Variants in CIITA observed in about 807,000 individuals in gnomAD.
CIITA encodes the protein MHC class II transactivator.
In CIITA, 72 loss-of-function variants were observed where a neutral mutation model predicts 115.1. The ratio of observed to expected loss-of-function variants is 0.63; its 90% confidence interval spans 0.52 to 0.76. The LOEUF (loss-of-function observed/expected upper bound fraction) is 0.76, where lower values mean the gene tolerates loss of function less well. Among genes scored for constraint, CIITA ranks in the 30% least tolerant of loss-of-function variants. CIITA has a pLI of 0.00. For synonymous variants in CIITA, 763 were observed against 635.6 expected, an observed-to-expected ratio of 1.20 and a Z score of -3.02; for missense variants, 1,617 against 1,463.8, an observed-to-expected ratio of 1.10 and a Z score of -1.71.
At chr16:10,939,669 A>G (rs1156928088), downstream of CIITA, 6 of 152,196 alleles carry the variant, frequency 3.9e-5, no homozygotes, top group East Asian at 9.6e-4. The surrounding 1 kb of genome is among the most constrained non-coding windows in gnomAD (Gnocchi z 4.9). Context: ...CACCATCTCT[A>G]TCCTACCGTT....
In CIITA at chr16:10,941,555, G is replaced by C. The variant is rs1192850703; in HGVS notation, n.681G>C. 5 of 1,444,432 alleles carry C rather than the reference G, an allele frequency of 3.5e-6. No homozygotes were observed. Among genetic ancestry groups the C allele is most frequent in the Non-Finnish European group, 4.6e-6 (5 of 1,096,986 alleles). The allele number at this position is 1,444,432 out of a possible 1,614,324, so 89.5% of individuals were successfully genotyped here. On this transcript the variant is annotated non_coding_transcript_exon_variant, in exon 2 of 2. Coordinates refer to the CIITA transcript ENST00000573379. This position sits in a 1 kb window ranked among gnomAD's most constrained non-coding sequence, Gnocchi z 6.4. ...CCCCAACCCGCCCTCATCCTGTTCA[G>C]AGAGGGCACTTACAGGCCTCGGAGG...
chr16:10,900,337 T>C (rs990538179), intron 5 of CIITA, among the ~76,000 whole-genome samples: 2 of 152,222 alleles, frequency 1.3e-5, no homozygotes, highest in Admixed American at 6.5e-5. Context: ...TCCATATTAT[T>C]GAGGGAGAGG....
intron 5 of CIITA, 63 bp downstream of exon 5, chr16:10,899,065 A>G: frequency 6.5e-7 from 1 of 1,535,492 alleles, no homozygotes; most frequent in Non-Finnish European, 9.0e-7. Context: ...CCTTGACTCC[A>G]AAGCCTGCTG....
chr16:10,878,436 G>A (rs1596417709), intron 1 of CIITA, among the ~76,000 whole-genome samples: 1 of 152,328 alleles, frequency 6.6e-6, no homozygotes, highest in Non-Finnish European at 1.5e-5. Context: ...CCTCTGAAAA[G>A]GACCGGCAGG....
At chr16:10,877,860 T>TC (rs1278292823) in intron 1 of CIITA, among the ~76,000 whole-genome samples, 5 of 151,900 alleles carry the variant, frequency 3.3e-5, no homozygotes, top group Non-Finnish European at 5.9e-5. Flanking sequence ...GATGCTGCCC[T>TC]CCCCCCAGTT....
At chr16:10,919,242 G>A (rs2040136589) in intron 16 of CIITA, among the ~76,000 whole-genome samples, 1 of 144,604 alleles carries the variant, frequency 6.9e-6, no homozygotes. Flanking sequence ...CACCCAGGCT[G>A]GAGTGAAGTG....
chr16:10,880,057 G>A (rs2036262817), intron 1 of CIITA, among the ~76,000 whole-genome samples: 1 of 152,190 alleles, frequency 6.6e-6, no homozygotes, highest in Non-Finnish European at 1.5e-5. Flanking sequence ...AAGGAAACAG[G>A]TACTTCTTCC....
upstream of CIITA, among the ~76,000 whole-genome samples, chr16:10,872,416 C>T (rs2035551254): frequency 6.6e-6 from 1 of 152,212 alleles, no homozygotes; most frequent in Non-Finnish European, 1.5e-5. Flanking sequence ...AGCCACTGTG[C>T]CCAGCCTCTC....
intron 10 of CIITA, 103 bp from the exon 11 acceptor site, chr16:10,906,396 G>A: frequency 7.5e-7 from 1 of 1,334,256 alleles, no homozygotes; most frequent in Non-Finnish European, 1.1e-6. Context: ...AAAACTGTGT[G>A]GGGAACAGAT....
In CIITA at chr16:10,909,194, G is replaced by A. The variant is rs1364098674; in HGVS notation, c.2816+7G>A. The A allele has an allele frequency of 6.2e-7, 1 of 1,614,096 alleles. No homozygotes were observed. The highest frequency in any genetic ancestry group is 8.5e-7 in the Non-Finnish European group (1 of 1,180,002). ...AGCTTGTGCAGACTCAGAGGTGAGA[G>A]GAGAGGCGGATGGGAGGTGGTTCAC... On this transcript the variant is annotated splice_region_variant and intron_variant, in intron 12 of 19. Transcript: ENST00000324288.
intron 1 of CIITA, among the ~76,000 whole-genome samples, chr16:10,868,588 G>A (rs1231057366): frequency 6.6e-6 from 1 of 152,138 alleles, no homozygotes; most frequent in Middle Eastern, 3.2e-3. Context: ...TTCTCAACAG[G>A]GGCGCAGACA....
rs1364047345 is a variant in CIITA, at chr16:10,933,039, A to T, written c.*9184A>T. 1 of 152,312 alleles carries T rather than the reference A, an allele frequency of 6.6e-6. No homozygotes were observed. The highest frequency in any genetic ancestry group is 1.5e-5 in the Non-Finnish European group (1 of 68,110). 9.4% of individuals were successfully genotyped at this position (152,312 alleles called of 1,614,324 possible). A position where few individuals can be genotyped will look rare whatever the true frequency, so the allele number is the denominator to read the frequency against. ...CTAAGGCATCAAGAGCCCCAGGCTGAAAAGCACCCCAGAGCTGGAGCTTAT... is the reference window on the plus strand; with the variant it reads ...CTAAGGCATCAAGAGCCCCAGGCTGTAAAGCACCCCAGAGCTGGAGCTTAT... On this transcript the variant is annotated 3_prime_UTR_variant, in exon 20 of 20. Transcript: ENST00000324288.
downstream of CIITA, chr16:10,940,367 G>C (rs142181445): frequency 2.6e-5 from 4 of 152,392 alleles, no homozygotes; most frequent in East Asian, 7.7e-4. This position sits in a 1 kb window ranked among gnomAD's most constrained non-coding sequence, Gnocchi z 4.2. Context: ...ATAGCAGACT[G>C]AACTAAGACA....
intron 13 of CIITA, among the ~76,000 whole-genome samples, chr16:10,914,086 A>G (rs572849561): frequency 1.3e-5 from 2 of 152,094 alleles, no homozygotes; most frequent in South Asian, 4.1e-4. Context: ...TTATCTGTCT[A>G]TCTTCCCCCC....
At chr16:10,910,340 G>A (rs2144804869) in intron 13 of CIITA, 81 bp downstream of exon 13, 1 of 1,161,508 alleles carries the variant, frequency 8.6e-7, no homozygotes, top group Admixed American at 1.9e-5. Flanking sequence ...CACCTGAATG[G>A]AGATAGATCT....
In CIITA at chr16:10,908,135, T is replaced by C. The variant is rs776775225; in HGVS notation, c.2643T>C (p.Cys881=). 5 of 1,569,940 alleles carry C rather than the reference T, an allele frequency of 3.2e-6. No individual in the cohort carries two copies. The South Asian group carries it at 4.6e-5, about 15-fold the overall frequency. Residue 881 remains cysteine (C), a synonymous_variant, in exon 11 of 20, where the codon TGT becomes TGC. Coordinates refer to ENST00000324288, the MANE Select transcript of CIITA (RefSeq NM_000246.4). ...SGLGSLVGLS[C]VTRFRAALSD... ...TGGGGAGCCTCGTGGGACTCAGCTG[T>C]GTCACCCGTTTCAGGTGGGGTGAGG...
chr16:10,901,684 T>C lies in CIITA; in HGVS notation c.481+126T>C. ...GGTGCAGCCCCTGCCCTTCTTTGGG[T>C]AGAGGCTGAGAGCTTGGGGTCCCTT... On this transcript the variant is annotated intron_variant, in intron 6 of 19. Coordinates refer to ENST00000324288, the MANE Select transcript of CIITA (RefSeq NM_000246.4). The surrounding 1 kb of genome is among the most constrained non-coding windows in gnomAD (Gnocchi z 6.8). 1 of 1,082,542 alleles carries C rather than the reference T, an allele frequency of 9.2e-7. No homozygotes were observed. Among genetic ancestry groups the C allele is most frequent in the Admixed American group, 2.0e-5 (1 of 50,140 alleles). 67.1% of individuals were successfully genotyped at this position (1,082,542 alleles called of 1,614,324 possible).
chr16:10,926,706 A>C lies in CIITA; in HGVS notation c.*2851A>C, dbSNP rs2040546145. On this transcript the variant is annotated 3_prime_UTR_variant, in exon 20 of 20. Transcript: ENST00000324288. ...CAGGCATGCACCACCACGCCTGGCTAATTTTTGTATTTTTAGTAGAGATGG... is the reference window on the plus strand; with the variant it reads ...CAGGCATGCACCACCACGCCTGGCTCATTTTTGTATTTTTAGTAGAGATGG... The C allele has an allele frequency of 6.6e-6, 1 of 151,986 alleles. No homozygotes were observed. Among genetic ancestry groups the C allele is most frequent in the Non-Finnish European group, 1.5e-5 (1 of 68,008 alleles). The allele number at this position is 151,986 out of a possible 1,614,324, so 9.4% of individuals were successfully genotyped here. A position where few individuals can be genotyped will look rare whatever the true frequency, so the allele number is the denominator to read the frequency against.
At chr16:10,883,621 G>C (rs1342588076) in intron 1 of CIITA, among the ~76,000 whole-genome samples, 1 of 152,178 alleles carries the variant, frequency 6.6e-6, no homozygotes, top group East Asian at 1.9e-4. Context: ...GGTGTCTTTT[G>C]TGGGGTCCTG....
Sources: gnomAD v4.1 joint callset for allele counts (sites outside exome capture counted in the v4.1 genomes callset) on GRCh38, gnomAD v4.1.1 for gene constraint, Gnocchi (gnomAD v3.1) non-coding constraint, MANE v1.5 for transcripts, NCBI Gene and HGNC (gene_info 2026-07-23, HGNC 2026-07-21) for gene names.